Variants in COMMD1 observed in about 807,000 individuals in gnomAD.
COMMD1 encodes copper metabolism domain containing 1.
COMMD1 carries 10 observed loss-of-function variants against 17.2 expected under a neutral mutation model. That is an observed-to-expected ratio of 0.58 (90% confidence interval 0.36 to 0.99). COMMD1 has a LOEUF of 0.99. Among genes scored for constraint, COMMD1 ranks in the 50% least tolerant of loss-of-function variants. The pLI is 0.01. For missense variants in COMMD1, 270 were observed against 231.8 expected, an observed-to-expected ratio of 1.17 and a Z score of -1.07; for synonymous variants, 97 against 91.6, an observed-to-expected ratio of 1.06 and a Z score of -0.34.
At chr2:61,978,112 A>G (rs1158906142) in intron 1 of COMMD1, among the ~76,000 whole-genome samples, 1 of 152,144 alleles carries the variant, frequency 6.6e-6, no homozygotes, top group Non-Finnish European at 1.5e-5. Flanking sequence ...CCTGTGAAAC[A>G]TAGTGAAACC....
chr2:62,034,665 GGAAGTT>G (rs1223154491), intron 2 of COMMD1, among the ~76,000 whole-genome samples: 3 of 152,124 alleles, frequency 2.0e-5, no homozygotes, highest in African/African-American at 7.2e-5. Flanking sequence ...ACCTTGACCA[GGAAGTT>G]GTTATAGTAT....
At chr2:62,062,249 G>T (rs1399587698) in intron 2 of COMMD1, among the ~76,000 whole-genome samples, 2 of 148,578 alleles carry the variant, frequency 1.3e-5, no homozygotes, top group Non-Finnish European at 3.0e-5. Flanking sequence ...TTTTTGAGAT[G>T]GAGTTTCGCT....
intron 1 of COMMD1, among the ~76,000 whole-genome samples, chr2:61,922,810 T>G (rs927832226): frequency 6.6e-6 from 1 of 152,210 alleles, no homozygotes; most frequent in African/African-American, 2.4e-5. Context: ...AGGAGAAAGA[T>G]AAGAAAGGGG....
chr2:62,102,328 A>G (rs941618190), intron 2 of COMMD1, among the ~76,000 whole-genome samples: 6 of 152,090 alleles, frequency 3.9e-5, no homozygotes, highest in Admixed American at 6.6e-5. Flanking sequence ...AAATATTCCT[A>G]TATTTCTTAT....
At chr2:61,902,704 TG>T (rs765216884), upstream of COMMD1, among the ~76,000 whole-genome samples, 7 of 152,116 alleles carry the variant, frequency 4.6e-5, no homozygotes, top group Non-Finnish European at 1.0e-4. Flanking sequence ...ATAATATAGC[TG>T]GGTACGGTAG....
chr2:62,008,361 GACACACAC>G (rs151332274), intron 2 of COMMD1, among the ~76,000 whole-genome samples: 1 of 146,544 alleles, frequency 6.8e-6, no homozygotes, highest in African/African-American at 2.5e-5. Context: ...CACACAGACA[GACACACAC>G]ACACACACAC....
intron 2 of COMMD1, among the ~76,000 whole-genome samples, chr2:62,036,988 T>C (rs1670057114): frequency 6.6e-6 from 1 of 152,236 alleles, no homozygotes; most frequent in Non-Finnish European, 1.5e-5. Context: ...GTACCTTGCA[T>C]TCAAGTATAT....
chr2:61,905,597 T>C, upstream of COMMD1: 2 of 1,382,600 alleles, frequency 1.4e-6, no homozygotes. Context: ...CCCGTGGTGG[T>C]TTTGCACAGG....
intron 2 of COMMD1, among the ~76,000 whole-genome samples, chr2:62,010,388 C>A (rs1210905073): frequency 6.6e-6 from 1 of 152,030 alleles, no homozygotes; most frequent in East Asian, 1.9e-4. Flanking sequence ...TGTCCTCGAT[C>A]TTCTTTTCTT....
rs1319396553 is a variant in COMMD1 at position 62,000,954 on chromosome 2, T to C, written c.434T>C (p.Ile145Thr). Reference protein sequence around the residue: ...SAQIHTPVAIIELELGKYGQE... With the variant: ...SAQIHTPVAITELELGKYGQE... The stretch of plus-strand genomic sequence containing the variant: ...CAAATACACACACCTGTTGCCATTA[T>C]AGAGCTGGAATTAGGCAAATATGGA... The change falls in exon 2 of 3, where the codon ATA (isoleucine) becomes ACA (threonine). Residue 145 changes from isoleucine (I) to threonine (T), a missense_variant. By Grantham distance (89) the Ile-to-Thr change is moderately conservative. Coordinates refer to ENST00000311832, the MANE Select transcript of COMMD1 (RefSeq NM_152516.4). 7.4e-6 allele frequency: 12 copies of C among 1,613,924 alleles called. No homozygotes were observed. The highest frequency in any genetic ancestry group is 3.3e-5 in the Admixed American group (2 of 60,028).
chr2:62,001,703 A>G (rs1241011734), intron 2 of COMMD1, among the ~76,000 whole-genome samples: 6 of 152,208 alleles, frequency 3.9e-5, no homozygotes, highest in Non-Finnish European at 5.9e-5. Context: ...TTATTTTCAG[A>G]TAAATAATCA....
chr2:62,061,960 A>T (rs1372032178), intron 2 of COMMD1, among the ~76,000 whole-genome samples: 4 of 149,948 alleles, frequency 2.7e-5, no homozygotes, highest in African/African-American at 9.8e-5. Context: ...GGAAGAAGTG[A>T]AATTAGTGAA....
At chr2:61,951,181 C>T (rs767777574) in intron 1 of COMMD1, among the ~76,000 whole-genome samples, 19 of 152,020 alleles carry the variant, frequency 1.2e-4, no homozygotes, top group Non-Finnish European at 4.4e-5. Context: ...TGTCTTTCTG[C>T]GGCTGGGCAC....
Position 62,088,377 on chromosome 2 carries a change from T to G in COMMD1, c.463-47454T>G, listed in dbSNP as rs541952472. 1.1e-4 allele frequency among the ~76,000 whole-genome samples: 17 copies of G among 152,350 alleles called. 1 individual carries two copies. In the South Asian group the frequency reaches 3.1e-3, roughly 28 times the overall value. The stretch of plus-strand genomic sequence containing the variant: ...CATGTTTTAACTGCATCGTAAGCAC[T>G]GATGAATAAATGTACTGTGGGCACT... On this transcript the variant is annotated intron_variant, in intron 2 of 2. Transcript: ENST00000311832.
intron 1 of COMMD1, among the ~76,000 whole-genome samples, chr2:61,963,339 A>C (rs114557510): frequency 3.0e-3 from 457 of 151,982 alleles, no homozygotes; most frequent in Non-Finnish European, 4.1e-3. Context: ...GAACCCCTGA[A>C]TTTATAGCCA....
At chr2:62,102,083 C>G (rs1672198231) in intron 2 of COMMD1, among the ~76,000 whole-genome samples, 1 of 152,202 alleles carries the variant, frequency 6.6e-6, no homozygotes, top group African/African-American at 2.4e-5. Context: ...AAAAGACACT[C>G]TTATCATGAG....
intron 2 of COMMD1, among the ~76,000 whole-genome samples, chr2:62,040,520 T>C (rs1670160076): frequency 6.6e-6 from 1 of 152,312 alleles, no homozygotes; most frequent in African/African-American, 2.4e-5. Flanking sequence ...ATGGTGAAAT[T>C]AGACATAATA....
intron 1 of COMMD1, among the ~76,000 whole-genome samples, chr2:61,987,629 G>T (rs1285032257): frequency 6.6e-6 from 1 of 152,224 alleles, no homozygotes; most frequent in Non-Finnish European, 1.5e-5. Context: ...TGCTGGATCA[G>T]ACCTGAAGTC....
At chr2:62,037,499 TTAGA>T (rs2103887759) in intron 2 of COMMD1, among the ~76,000 whole-genome samples, 1 of 152,218 alleles carries the variant, frequency 6.6e-6, no homozygotes, top group East Asian at 1.9e-4. Context: ...TATGAAAGTC[TTAGA>T]TATGGTAGCT....
Sources: allele counts gnomAD v4.1 joint callset (sites outside exome capture counted in the v4.1 genomes callset), GRCh38; gene constraint gnomAD v4.1.1; transcripts MANE v1.5; gene names NCBI Gene and HGNC (gene_info 2026-07-23, HGNC 2026-07-21).